Variants in KCNIP4 observed in about 807,000 individuals in gnomAD.
KCNIP4 encodes Kv channel-interacting protein 4.
A neutral mutation model predicts 34.0 loss-of-function variants in KCNIP4; 12 were observed. The observed-to-expected ratio is 0.35, with a 90% CI of 0.23 to 0.57. KCNIP4 has a LOEUF of 0.57. Ranked by LOEUF, KCNIP4 falls within the 20% of genes least tolerant of loss-of-function variation. The pLI, the probability that KCNIP4 is intolerant of heterozygous loss-of-function variation, is 0.83. For missense variants in KCNIP4, 238 were observed against 311.7 expected, an observed-to-expected ratio of 0.76 and a Z score of 1.78; for synonymous variants, 124 against 102.2, an observed-to-expected ratio of 1.21 and a Z score of -1.29.
intron 1 of KCNIP4, among the ~76,000 whole-genome samples, chr4:21,497,767 C>G (rs182616532): frequency 6.6e-6 from 1 of 152,120 alleles, no homozygotes; most frequent in African/African-American, 2.4e-5. Flanking sequence ...CATAATTCTA[C>G]TTATATAAAT....
chr4:20,851,214 G>A (rs1338618643), intron 2 of KCNIP4, among the ~76,000 whole-genome samples: 1 of 152,100 alleles, frequency 6.6e-6, no homozygotes, highest in Non-Finnish European at 1.5e-5. Flanking sequence ...TGCCCAGCAT[G>A]TGTTGTTCCC....
chr4:21,068,826 T>C (rs1281270238), intron 1 of KCNIP4, among the ~76,000 whole-genome samples: 2 of 152,218 alleles, frequency 1.3e-5, no homozygotes, highest in Non-Finnish European at 2.9e-5. Flanking sequence ...GTAATCTTAA[T>C]AATTTTATTT....
At chr4:20,847,997 T>C (rs79519763) in intron 3 of KCNIP4, among the ~76,000 whole-genome samples, 2,442 of 152,230 alleles carry the variant, frequency 0.016, 34 homozygotes, top group Middle Eastern at 0.024. Context: ...CTTACTACCA[T>C]GCTGTAAAAC....
chr4:21,345,718 C>T (rs1055945011), intron 1 of KCNIP4, among the ~76,000 whole-genome samples: 1 of 151,942 alleles, frequency 6.6e-6, no homozygotes, highest in Non-Finnish European at 1.5e-5. Context: ...GAACTTGTTC[C>T]CATTTTCTTT....
chr4:21,045,555 A>G (rs1275115601), intron 1 of KCNIP4, among the ~76,000 whole-genome samples: 1 of 152,198 alleles, frequency 6.6e-6, no homozygotes. Flanking sequence ...CAAAGACAAA[A>G]TTGCTGACAA....
rs140693201 is a variant in KCNIP4, at chr4:21,671,333, G to C, written c.61+277238C>G. Among the ~76,000 whole-genome samples the C allele has an allele frequency of 2.5e-3, 374 of 152,276 alleles. 1 individual carries two copies. Among genetic ancestry groups the C allele is most frequent in the Non-Finnish European group, 4.1e-3 (279 of 68,020 alleles). On this transcript the variant is annotated intron_variant, in intron 1 of 8. Transcript: ENST00000382152. ...TTGGAGGGATCTTGAAGATTCAGAA[G>C]TGTATGATTGATACCATGCCAAATT...
chr4:21,328,017 G>GA (rs1213840022), intron 1 of KCNIP4, among the ~76,000 whole-genome samples: 3 of 152,082 alleles, frequency 2.0e-5, no homozygotes, highest in Non-Finnish European at 4.4e-5. Flanking sequence ...ATTGTCATCT[G>GA]AAAAGACACA....
chr4:21,325,552 TTA>T (rs1714953955), intron 1 of KCNIP4, among the ~76,000 whole-genome samples: 1 of 151,854 alleles, frequency 6.6e-6, no homozygotes, highest in Non-Finnish European at 1.5e-5. Context: ...GATACAAACT[TTA>T]TGTTTCATTG....
intron 1 of KCNIP4, among the ~76,000 whole-genome samples, chr4:21,409,289 T>C (rs1289626307): frequency 1.3e-5 from 2 of 151,068 alleles, no homozygotes; most frequent in Non-Finnish European, 2.9e-5. Flanking sequence ...AAAAAAAAAC[T>C]TCTATTTTGG....
At chr4:21,047,685 T>C (rs1742556767) in intron 1 of KCNIP4, among the ~76,000 whole-genome samples, 1 of 152,232 alleles carries the variant, frequency 6.6e-6, no homozygotes, top group Non-Finnish European at 1.5e-5. Context: ...AGTCTGTTGT[T>C]TTGTCAATCC....
chr4:21,208,031 C>G (rs570969322), intron 1 of KCNIP4, among the ~76,000 whole-genome samples: 1 of 151,424 alleles, frequency 6.6e-6, no homozygotes, highest in African/African-American at 2.4e-5. Context: ...TTTGTAGATA[C>G]GGGGTTGTGC....
At position 21,315,692 on chromosome 4, in the gene KCNIP4, G is replaced by A. The variant is rs146221396; in HGVS notation, c.62-432983C>T. 3.1e-3 allele frequency among the ~76,000 whole-genome samples: 473 copies of A among 152,220 alleles called. 1 individual carries two copies. The highest frequency in any genetic ancestry group is 0.011 in the African/African-American group (456 of 41,544). On this transcript the variant is annotated intron_variant, in intron 1 of 8. Coordinates refer to ENST00000382152, the MANE Select transcript of KCNIP4 (RefSeq NM_025221.6). ...GGTGTTATGGTTATTTTGCTCCCAA[G>A]GTATACCCAGAATCTAGGGCCATGT...
chr4:21,223,865 C>A (rs975775186), intron 1 of KCNIP4, among the ~76,000 whole-genome samples: 4 of 151,886 alleles, frequency 2.6e-5, no homozygotes, highest in African/African-American at 9.7e-5. Flanking sequence ...GGAGGAAGAG[C>A]CCTTAGTCAT....
At chr4:21,184,992 G>A (rs565881002) in intron 1 of KCNIP4, among the ~76,000 whole-genome samples, 3 of 152,226 alleles carry the variant, frequency 2.0e-5, no homozygotes, top group South Asian at 4.2e-4. Flanking sequence ...GGTGGTACTA[G>A]GTAAGCACAT....
intron 1 of KCNIP4, among the ~76,000 whole-genome samples, chr4:21,821,523 G>A (rs894243996): frequency 3.9e-5 from 6 of 152,256 alleles, no homozygotes; most frequent in Admixed American, 2.0e-4. Context: ...AATAGTGGCT[G>A]AAGCTTAGTA....
intron 1 of KCNIP4, among the ~76,000 whole-genome samples, chr4:21,671,003 A>C: frequency 6.6e-6 from 1 of 150,624 alleles, no homozygotes. Flanking sequence ...TATGTTTTCC[A>C]CTGGTTTAAT....
At chr4:21,561,076 T>C (rs993409941) in intron 1 of KCNIP4, among the ~76,000 whole-genome samples, 1 of 152,050 alleles carries the variant, frequency 6.6e-6, no homozygotes, top group Non-Finnish European at 1.5e-5. Flanking sequence ...GGAAAAATAA[T>C]AGAGCTCATT....
intron 1 of KCNIP4, among the ~76,000 whole-genome samples, chr4:21,793,671 T>G (rs1016677095): frequency 6.6e-6 from 1 of 152,244 alleles, no homozygotes. Flanking sequence ...CCTCCTTTTA[T>G]GTGAAAATAT....
intron 3 of KCNIP4, among the ~76,000 whole-genome samples, chr4:20,809,768 C>G (rs927881144): frequency 4.6e-5 from 7 of 152,142 alleles, no homozygotes; most frequent in African/African-American, 1.7e-4. Context: ...AAGCACGAAA[C>G]CTCTTAAAGT....
Sources: allele counts gnomAD v4.1 joint callset (sites outside exome capture counted in the v4.1 genomes callset), GRCh38; gene constraint gnomAD v4.1.1; transcripts MANE v1.5; gene names NCBI Gene and HGNC (gene_info 2026-07-23, HGNC 2026-07-21).